TBXAS1: variants seen among roughly 807,000 people sequenced by gnomAD.
TBXAS1 encodes the protein thromboxane A synthase 1, also known as thromboxane-A synthase.
TBXAS1 carries 48 observed loss-of-function variants against 60.7 expected under a neutral mutation model. The ratio of observed to expected loss-of-function variants is 0.79; its 90% CI spans 0.63 to 1.01. The LOEUF (loss-of-function observed/expected upper bound fraction) is 1.01, where lower values mean the gene tolerates loss of function less well. Ranked by LOEUF, TBXAS1 falls within the 50% of genes least tolerant of loss-of-function variation. The probability of loss-of-function intolerance (pLI) is 0.00; values close to 1 mark genes in which losing one functional copy is unlikely to be tolerated. For synonymous variants in TBXAS1, 287 were observed against 269.7 expected (o/e 1.06, Z -0.63); for missense variants, 685 against 686.3 (o/e 1.00, Z 0.02).
intron 12 of TBXAS1, among the ~76,000 whole-genome samples, chr7:140,019,328 C>T (rs766104428): frequency 8.5e-5 from 13 of 152,172 alleles, no homozygotes; most frequent in Admixed American, 2.6e-4. Context: ...CCCACTGCAT[C>T]GGGGCTTCCA....
At chr7:139,832,853 T>C (rs1182596532) in intron 1 of TBXAS1, among the ~76,000 whole-genome samples, 1 of 152,128 alleles carries the variant, frequency 6.6e-6, no homozygotes, top group Non-Finnish European at 1.5e-5. Context: ...TTGTATCCAG[T>C]GAAACTAAGC....
At chr7:139,962,382 C>T (rs924589736) in intron 9 of TBXAS1, 149 bp downstream of exon 9, 2 of 966,402 alleles carry the variant, frequency 2.1e-6, no homozygotes, top group Middle Eastern at 3.1e-4. Flanking sequence ...GCTTCTCCTG[C>T]TCTCCGGGTT....
intron 9 of TBXAS1, among the ~76,000 whole-genome samples, chr7:139,964,287 G>A (rs527792332): frequency 2.0e-4 from 30 of 152,276 alleles, no homozygotes; most frequent in South Asian, 6.2e-4. Flanking sequence ...GTTTCACCAC[G>A]TTGGTCAGGC....
chr7:140,001,356 A>G (rs1324389369), intron 9 of TBXAS1, among the ~76,000 whole-genome samples: 1 of 152,192 alleles, frequency 6.6e-6, no homozygotes, highest in Non-Finnish European at 1.5e-5. Context: ...GCAGACCCAC[A>G]GCACCCTCAC....
At chr7:139,821,047 G>A (rs1798282027) in intron 4 of TBXAS1, among the ~76,000 whole-genome samples, 1 of 152,188 alleles carries the variant, frequency 6.6e-6, no homozygotes, top group Admixed American at 6.5e-5. Context: ...TAGAATGAAT[G>A]GATAAAAGGA....
chr7:139,859,207 T>TC (rs1408354441), intron 1 of TBXAS1, among the ~76,000 whole-genome samples: 4 of 148,430 alleles, frequency 2.7e-5, no homozygotes, highest in African/African-American at 5.0e-5. Flanking sequence ...TAGTTTTTTT[T>TC]TTTTTTTTTT....
chr7:139,877,298 T>G (rs1802314305), intron 3 of TBXAS1, among the ~76,000 whole-genome samples: 1 of 152,242 alleles, frequency 6.6e-6, no homozygotes, highest in Non-Finnish European at 1.5e-5. Flanking sequence ...ATTTTTGCTT[T>G]TTGGTGCATA....
intron 3 of TBXAS1, among the ~76,000 whole-genome samples, chr7:139,890,977 C>T (rs954325540): frequency 6.6e-6 from 1 of 151,924 alleles, no homozygotes; most frequent in Non-Finnish European, 1.5e-5. Context: ...ATAGTACTGC[C>T]GTAGATCTCA....
At chr7:139,960,641 G>A (rs922406329) in intron 8 of TBXAS1, among the ~76,000 whole-genome samples, 10 of 151,948 alleles carry the variant, frequency 6.6e-5, no homozygotes, top group Non-Finnish European at 1.2e-4. Context: ...AGCTACTCAG[G>A]AGGCTGAGGC....
intron 1 of TBXAS1, among the ~76,000 whole-genome samples, chr7:139,866,037 A>G (rs1225556059): frequency 6.6e-6 from 1 of 152,236 alleles, no homozygotes; most frequent in Non-Finnish European, 1.5e-5. Flanking sequence ...TAGTAAGAAA[A>G]TAGATGCAGA....
intron 4 of TBXAS1, among the ~76,000 whole-genome samples, chr7:139,928,417 G>A (rs560828672): frequency 6.1e-4 from 93 of 152,262 alleles, no homozygotes; most frequent in Middle Eastern, 6.8e-3. Context: ...AGTGACATTG[G>A]CTTATAATTT....
At chr7:139,863,377 CA>C (rs1443500526) in intron 1 of TBXAS1, among the ~76,000 whole-genome samples, 1 of 151,720 alleles carries the variant, frequency 6.6e-6, no homozygotes, top group Non-Finnish European at 1.5e-5. Context: ...ATTTTTTTTC[CA>C]GAGGGGTAAA....
intron 4 of TBXAS1, among the ~76,000 whole-genome samples, chr7:139,817,132 T>C (rs1798168100): frequency 6.6e-6 from 1 of 152,108 alleles, no homozygotes. Flanking sequence ...ATTTTCTCAC[T>C]AGTCTCATGC....
intron 4 of TBXAS1, among the ~76,000 whole-genome samples, chr7:139,919,139 A>G (rs938603100): frequency 1.3e-5 from 2 of 152,134 alleles, no homozygotes; most frequent in Admixed American, 6.5e-5. Flanking sequence ...TATACAAGTG[A>G]CAGAATTCTT....
At chr7:139,785,546 C>T (rs1408733137) in intron 3 of TBXAS1, among the ~76,000 whole-genome samples, 2 of 151,920 alleles carry the variant, frequency 1.3e-5, no homozygotes, top group Non-Finnish European at 2.9e-5. Flanking sequence ...CTGCCAGTAC[C>T]TGATTGAGCC....
At chr7:139,822,030 G>A (rs558375320) in intron 4 of TBXAS1, among the ~76,000 whole-genome samples, 6 of 152,288 alleles carry the variant, frequency 3.9e-5, no homozygotes, top group South Asian at 2.1e-4. Flanking sequence ...GGCCACACGA[G>A]GAATTCATTT....
chr7:139,909,906 C>T (rs941952735), intron 3 of TBXAS1, among the ~76,000 whole-genome samples: 1 of 152,148 alleles, frequency 6.6e-6, no homozygotes, highest in African/African-American at 2.4e-5. Context: ...AGTTGGTAGT[C>T]CGGCACTCAC....
intron 4 of TBXAS1, among the ~76,000 whole-genome samples, chr7:139,805,728 C>CTCTCTTTCTTTCTTTCTTTCTT (rs1554466283): frequency 9.0e-6 from 1 of 110,966 alleles, no homozygotes; most frequent in South Asian, 2.8e-4. Flanking sequence ...CTCTCTCTCT[C>CTCTCTTTCTTTCTTTCTTTCTT]TCTTTCTTTC....
intron 5 of TBXAS1, among the ~76,000 whole-genome samples, chr7:139,941,451 A>C (rs1338063682): frequency 5.4e-5 from 8 of 147,302 alleles, no homozygotes; most frequent in Non-Finnish European, 1.2e-4. Context: ...TTTTTGGCCT[A>C]TGTCATACCA....
Sources: allele counts gnomAD v4.1 joint callset (sites outside exome capture counted in the v4.1 genomes callset), GRCh38; gene constraint gnomAD v4.1.1; transcripts MANE v1.5; gene names NCBI Gene and HGNC (gene_info 2026-07-23, HGNC 2026-07-21).